Variants in CDR2L observed in about 807,000 individuals in gnomAD.
CDR2L encodes cerebellar degeneration-related protein 2-like.
CDR2L carries 19 observed loss-of-function variants against 36.1 expected under a neutral mutation model. The observed-to-expected ratio is 0.53, with a 90% CI of 0.37 to 0.77. The LOEUF (loss-of-function observed/expected upper bound fraction) is 0.77. Among genes scored for constraint, CDR2L ranks in the 30% least tolerant of loss-of-function variants. CDR2L has a pLI of 0.00. For synonymous variants in CDR2L, 285 were observed against 280.4 expected (o/e 1.02, Z -0.16); for missense variants, 575 against 627.2 (o/e 0.92, Z 0.89).
At chr17:74,988,160 C>A in intron 1 of CDR2L, 38 bp downstream of exon 1, 1 of 1,391,146 alleles carries the variant, frequency 7.2e-7, no homozygotes, top group Non-Finnish European at 9.7e-7. Context: ...AGGCGGGGAG[C>A]GCCCGGTGAC....
chr17:74,997,796 G>C (rs1027746376), intron 1 of CDR2L, among the ~76,000 whole-genome samples: 4 of 151,716 alleles, frequency 2.6e-5, no homozygotes, highest in Non-Finnish European at 5.9e-5. Flanking sequence ...GGAGGCCTGA[G>C]ATCAGGAGTT....
chr17:75,001,305 A>G (rs1437756105), intron 2 of CDR2L, 36 bp from the exon 3 acceptor site: 1 of 1,567,008 alleles, frequency 6.4e-7, no homozygotes, highest in African/African-American at 1.4e-5. Flanking sequence ...CCCCTGCCCA[A>G]TTCTAAAAAG....
chr17:74,994,192 A>G (rs2039812298), intron 1 of CDR2L, among the ~76,000 whole-genome samples: 1 of 152,226 alleles, frequency 6.6e-6, no homozygotes, highest in Admixed American at 6.5e-5. Flanking sequence ...AACCGTATCT[A>G]GGAAACTTTC....
intron 2 of CDR2L, 49 bp downstream of exon 2, chr17:74,999,665 C>G: frequency 8.7e-7 from 1 of 1,150,214 alleles, no homozygotes; most frequent in Middle Eastern, 2.0e-4. Context: ...GCCCCTTGGC[C>G]TGTGTGTGCC....
intron 1 of CDR2L, among the ~76,000 whole-genome samples, chr17:74,998,178 T>C (rs1468465195): frequency 6.6e-6 from 1 of 151,646 alleles, no homozygotes; most frequent in Admixed American, 6.6e-5. Context: ...TGAGCCAAGA[T>C]CGCGCCACTG....
rs1468700044 is a variant in CDR2L at position 75,002,091 on chromosome 17, G to C, written c.369G>C (p.Gln123His). The C allele has an allele frequency of 2.5e-6, 4 of 1,599,616 alleles. No individual in the cohort carries two copies. The highest frequency in any genetic ancestry group is 1.7e-5 in the Admixed American group (1 of 57,744). ...TGACGGAGACCATTGAGCGCCTCCA[G>C]GCTCAGGTGGAGGAGCTGCAGGCCC... ...HGLTETIERLQAQVEELQAQV... is the reference protein window; with the variant it reads ...HGLTETIERLHAQVEELQAQV... The change falls in exon 4 of 5, where the codon CAG (glutamine) becomes CAC (histidine). Residue 123 changes from glutamine (Q) to histidine (H), a missense_variant. Gln to His is a conservative substitution (Grantham distance 24). Coordinates refer to ENST00000337231, the MANE Select transcript of CDR2L (RefSeq NM_014603.3). The surrounding 1 kb of genome is among the most constrained non-coding windows in gnomAD (Gnocchi z 4.1).
chr17:74,988,139 C>A lies in CDR2L; in HGVS notation c.79+17C>A, dbSNP rs1340040804. 1.3e-6 allele frequency: 2 copies of A among 1,498,290 alleles called. No individual in the cohort carries two copies. The highest frequency in any genetic ancestry group is 1.3e-5 in the South Asian group (1 of 79,568). The allele number at this position is 1,498,290 out of a possible 1,614,324, so 92.8% of individuals were successfully genotyped here. On this transcript the variant is annotated intron_variant, in intron 1 of 4. Transcript: ENST00000337231. ...TGGAGCAGGGTGAGCGCGGGGGCGA[C>A]CGGGACAGGAAGGCGGGGAGCGCCC...
Position 75,001,445 on chromosome 17 carries a change from C to A in CDR2L, c.297C>A (p.His99Gln). The A allele has an allele frequency of 5.6e-6, 9 of 1,601,426 alleles. No homozygotes were observed. Among genetic ancestry groups the A allele is most frequent in the Non-Finnish European group, 7.7e-6 (9 of 1,174,964 alleles). Residue 99 changes from histidine to glutamine, a missense_variant, in exon 3 of 5, where the codon CAC (histidine) becomes CAA (glutamine). By Grantham distance (24) the His-to-Gln change is conservative. Transcript: ENST00000337231. ...LTARDLELTN[H>Q]RLVLESKAAQ... is the part of the protein sequence containing the mutation. Reference sequence around the variant, plus strand: ...CCCGGGACCTGGAGCTGACCAACCACAGGCTGGTGCTGGAGAGTAAGGCTG... The same window carrying A: ...CCCGGGACCTGGAGCTGACCAACCAAAGGCTGGTGCTGGAGAGTAAGGCTG...
chr17:75,002,180 G>T lies in CDR2L; in HGVS notation c.458G>T (p.Arg153Leu), dbSNP rs201666962. 20 of 1,608,694 alleles carry T rather than the reference G, an allele frequency of 1.2e-5. No homozygotes were observed. Among genetic ancestry groups the T allele is most frequent in the African/African-American group, 4.0e-5 (3 of 74,790 alleles). Reference protein sequence around the residue: ...RVLREKRERRRTIHTFPCLKE... With the variant: ...RVLREKRERRLTIHTFPCLKE... ...CTCCGGGAGAAGCGGGAACGCAGGCGTACCATCCACACCTTCCCCTGCCTC... is the reference window on the plus strand; with the variant it reads ...CTCCGGGAGAAGCGGGAACGCAGGCTTACCATCCACACCTTCCCCTGCCTC... The change falls in exon 4 of 5, where the codon CGT (arginine) becomes CTT (leucine). Residue 153 changes from arginine (R) to leucine (L), a missense_variant. By Grantham distance (102) the Arg-to-Leu change is moderately radical (BLOSUM62 -2). Coordinates refer to ENST00000337231, the MANE Select transcript of CDR2L (RefSeq NM_014603.3). This position sits in a 1 kb window ranked among gnomAD's most constrained non-coding sequence, Gnocchi z 4.1.
At chr17:74,995,184 G>A (rs949487001) in intron 1 of CDR2L, among the ~76,000 whole-genome samples, 2 of 150,648 alleles carry the variant, frequency 1.3e-5, no homozygotes, top group African/African-American at 2.4e-5. Flanking sequence ...TTACAAGCAT[G>A]AGCCACTGTG....
At chr17:74,995,497 G>GTTGT (rs964904002) in intron 1 of CDR2L, among the ~76,000 whole-genome samples, 10 of 151,356 alleles carry the variant, frequency 6.6e-5, no homozygotes, top group African/African-American at 2.2e-4. Context: ...GTTTGTTGTT[G>GTTGT]TTGTTTGTTT....
At chr17:74,992,318 G>A (rs1355196223) in intron 1 of CDR2L, among the ~76,000 whole-genome samples, 1 of 151,792 alleles carries the variant, frequency 6.6e-6, no homozygotes, top group Non-Finnish European at 1.5e-5. Context: ...GAAAACCCTG[G>A]GGTCCAGGCA....
intron 1 of CDR2L, among the ~76,000 whole-genome samples, chr17:74,993,017 A>G (rs1056108190): frequency 6.6e-6 from 1 of 152,242 alleles, no homozygotes; most frequent in Admixed American, 6.5e-5. Context: ...CACCCACGGC[A>G]GGAGGTAGAA....
chr17:74,993,282 CTT>C (rs58010394), intron 1 of CDR2L, among the ~76,000 whole-genome samples: 4 of 147,092 alleles, frequency 2.7e-5, no homozygotes, highest in African/African-American at 9.9e-5. Context: ...GTAGTTCAAT[CTT>C]TTTTTTTTTT....
intron 1 of CDR2L, among the ~76,000 whole-genome samples, chr17:74,993,222 C>T (rs1331889911): frequency 6.6e-6 from 1 of 151,980 alleles, no homozygotes; most frequent in Admixed American, 6.6e-5. Context: ...TGATCTTGCC[C>T]GGCTCCTGAG....
In CDR2L at chr17:75,004,725, C is replaced by T. The variant is rs2039892936; in HGVS notation, c.*651C>T. On this transcript the variant is annotated 3_prime_UTR_variant, in exon 5 of 5. Transcript: ENST00000337231. The stretch of plus-strand genomic sequence containing the variant: ...CAGCCCTGCCAGGGACAGGTTTCTC[C>T]CTGGATACTCTTGGCCCACCGCAGA... 1.3e-5 allele frequency: 2 copies of T among 152,652 alleles called. No homozygotes were observed. The highest frequency in any genetic ancestry group is 2.4e-5 in the African/African-American group (1 of 41,406). 9.5% of individuals were successfully genotyped at this position (152,652 alleles called of 1,614,324 possible). A position where few individuals can be genotyped will look rare whatever the true frequency, so the allele number is the denominator to read the frequency against.
intron 1 of CDR2L, among the ~76,000 whole-genome samples, chr17:74,995,967 G>T (rs1379010538): frequency 6.6e-6 from 1 of 151,550 alleles, no homozygotes; most frequent in Non-Finnish European, 1.5e-5. Flanking sequence ...ACCCTTCTCC[G>T]TCTCTGGATT....
chr17:74,998,098 G>A (rs2039842152), intron 1 of CDR2L, among the ~76,000 whole-genome samples: 1 of 152,074 alleles, frequency 6.6e-6, no homozygotes, highest in African/African-American at 2.4e-5. Context: ...GCGGGCGCCT[G>A]TAGTCTCAGC....
In CDR2L at chr17:75,001,436, G is replaced by A. The variant is rs768453865; in HGVS notation, c.288G>A (p.Leu96=). Residue 96 remains leucine (L), a synonymous_variant, in exon 3 of 5, where the codon CTG becomes CTA. Transcript: ENST00000337231. ...QLDLTARDLE[L]TNHRLVLESK... ...ACCTGACAGCCCGGGACCTGGAGCT[G>A]ACCAACCACAGGCTGGTGCTGGAGA... The A allele has an allele frequency of 6.9e-6, 11 of 1,605,194 alleles. No homozygotes were observed. Among genetic ancestry groups the A allele is most frequent in the Non-Finnish European group, 9.3e-6 (11 of 1,176,556 alleles).
Sources: allele counts gnomAD v4.1 joint callset (sites outside exome capture counted in the v4.1 genomes callset), GRCh38; gene constraint gnomAD v4.1.1; non-coding constraint Gnocchi (gnomAD v3.1); transcripts MANE v1.5; gene names NCBI Gene and HGNC (gene_info 2026-07-23, HGNC 2026-07-21).